PHF2: variants seen among roughly 807,000 people sequenced by gnomAD.
PHF2 encodes the protein lysine-specific demethylase PHF2.
PHF2 carries 27 observed loss-of-function variants against 120.5 expected under a neutral mutation model. The observed-to-expected ratio is 0.22, with a 90% CI of 0.17 to 0.31. The LOEUF is 0.31. Ranked by LOEUF, PHF2 falls within the 10% of genes least tolerant of loss-of-function variation. The probability of loss-of-function intolerance (pLI) is 1.00; values close to 1 mark genes in which losing one functional copy is unlikely to be tolerated. For missense variants in PHF2, 1,024 were observed against 1,434.8 expected, an observed-to-expected ratio of 0.71 and a Z score of 4.63; for synonymous variants, 568 against 592.5, an observed-to-expected ratio of 0.96 and a Z score of 0.60.
At chr9:93,646,359 G>T (rs914218191) in intron 4 of PHF2, among the ~76,000 whole-genome samples, 4 of 152,246 alleles carry the variant, frequency 2.6e-5, no homozygotes, top group African/African-American at 7.2e-5. Context: ...AGAGGCAGTG[G>T]CAGGGAGAGG....
chr9:93,640,726 C>G (rs551967556), intron 3 of PHF2, among the ~76,000 whole-genome samples: 2 of 152,128 alleles, frequency 1.3e-5, no homozygotes, highest in Admixed American at 6.5e-5. Context: ...CTTGCTTTGT[C>G]TCTTCAGACT....
In PHF2 at chr9:93,679,407, CTCTT is replaced by C; in HGVS notation, c.*1733_*1736del. On this transcript the variant is annotated 3_prime_UTR_variant, in exon 22 of 22. Coordinates refer to ENST00000359246, the MANE Select transcript of PHF2 (RefSeq NM_005392.4). ...CTGGACATCAAGCTGTTCTCTCTCT[CTCTT>C]TTTTTTAATTTTATTATTATTATTT... 1 of 329,662 alleles carries C rather than the reference CTCTT, an allele frequency of 3.0e-6. No homozygotes were observed. Among genetic ancestry groups the C allele is most frequent in the Non-Finnish European group, 5.9e-6 (1 of 168,766 alleles). The allele number at this position is 329,662 out of a possible 1,614,324, so 20.4% of individuals were successfully genotyped here.
chr9:93,653,697 G>T (rs60016166), intron 6 of PHF2, among the ~76,000 whole-genome samples: 2,562 of 149,728 alleles, frequency 0.017, 34 homozygotes, highest in Middle Eastern at 0.045. Flanking sequence ...CATAGCCAGG[G>T]CCCCGCACAG....
intron 1 of PHF2, among the ~76,000 whole-genome samples, chr9:93,594,436 G>T (rs1372215008): frequency 6.6e-6 from 1 of 152,228 alleles, no homozygotes. Context: ...TTGGGTCAGG[G>T]ATGGGCCTCC....
At chr9:93,668,755 G>A (rs533176034) in intron 17 of PHF2, among the ~76,000 whole-genome samples, 18 of 152,304 alleles carry the variant, frequency 1.2e-4, no homozygotes, top group East Asian at 9.7e-4. Context: ...GAGCTTCCCC[G>A]CCCCGCACAA....
chr9:93,577,075 G>C (rs1468823425), intron 1 of PHF2, among the ~76,000 whole-genome samples: 2 of 146,200 alleles, frequency 1.4e-5, no homozygotes, highest in African/African-American at 2.5e-5. Flanking sequence ...CGCCAAGCAC[G>C]GGGCCCGCGC....
chr9:93,655,852 C>T, intron 7 of PHF2, 82 bp from the exon 8 acceptor site: 2 of 1,026,648 alleles, frequency 1.9e-6, no homozygotes, highest in Non-Finnish European at 2.9e-6. Context: ...GTGCTGGTCT[C>T]CGCCGCTCCC....
chr9:93,644,203 A>G (rs577137830), intron 3 of PHF2, among the ~76,000 whole-genome samples: 2 of 152,170 alleles, frequency 1.3e-5, no homozygotes, highest in South Asian at 2.1e-4. Flanking sequence ...CCTGACCAAC[A>G]TGGTGAAACC....
Position 93,656,003 on chromosome 9 carries a change from G to A in PHF2, c.1022G>A (p.Ser341Asn), listed in dbSNP as rs992045761. 3 of 1,612,284 alleles carry A rather than the reference G, an allele frequency of 1.9e-6. No individual in the cohort carries two copies. Among genetic ancestry groups the A allele is most frequent in the East Asian group, 4.5e-5 (2 of 44,850 alleles). ...AFAGHFLHSLSVEMQMRAYEV... is the reference protein window; with the variant it reads ...AFAGHFLHSLNVEMQMRAYEV... ...GCGGGACATTTCCTCCACAGCCTGA[G>A]TGTGGAGATGCAGATGAGGTAGTGC... Residue 341 changes from serine to asparagine, a missense_variant, in exon 8 of 22, where the codon AGT becomes AAT. Ser to Asn is a conservative substitution (Grantham distance 46). This residue lies in a region of PHF2 where 347 missense variants were observed against 577.4 expected (regional missense o/e 0.60). Transcript: ENST00000359246. The surrounding 1 kb of genome is among the most constrained non-coding windows in gnomAD (Gnocchi z 4.1).
intron 3 of PHF2, among the ~76,000 whole-genome samples, chr9:93,645,415 C>T (rs1826239470): frequency 1.3e-5 from 2 of 152,226 alleles, no homozygotes. Context: ...TGTCCCTGCT[C>T]CCCCAAACAG....
intron 1 of PHF2, among the ~76,000 whole-genome samples, chr9:93,582,615 A>G (rs1351525909): frequency 1.3e-5 from 2 of 152,090 alleles, no homozygotes; most frequent in Non-Finnish European, 2.9e-5. Flanking sequence ...AGGGTACAGG[A>G]CCTGTTTACT....
chr9:93,677,512 C>A lies in PHF2; in HGVS notation c.3203-76C>A. ...TGCCCCTTAGTGTCAGCGGGACCCT[C>A]CCCCCCACCGGCATGCCACGCCCCT... is the stretch of plus-strand genomic sequence containing the variant. On this transcript the variant is annotated intron_variant, in intron 21 of 21. Coordinates refer to ENST00000359246, the MANE Select transcript of PHF2 (RefSeq NM_005392.4). The surrounding 1 kb of genome is among the most constrained non-coding windows in gnomAD (Gnocchi z 4.4). 1.9e-6 allele frequency: 2 copies of A among 1,051,974 alleles called. No individual in the cohort carries two copies. The highest frequency in any genetic ancestry group is 2.9e-6 in the Non-Finnish European group (2 of 685,974). 65.2% of individuals were successfully genotyped at this position (1,051,974 alleles called of 1,614,324 possible).
chr9:93,657,103 A>G (rs552886691), intron 9 of PHF2, among the ~76,000 whole-genome samples: 16 of 151,838 alleles, frequency 1.1e-4, no homozygotes, highest in Non-Finnish European at 1.8e-4. Flanking sequence ...GCCTGGCCAC[A>G]CCCTCAGAGA....
Position 93,651,621 on chromosome 9 carries a change from C to G in PHF2, c.603-1558C>G, listed in dbSNP as rs541306446. On this transcript the variant is annotated intron_variant, in intron 5 of 21. Transcript: ENST00000359246. ...GGGCCCACAGTGACCAATGTACCCC[C>G]AGACCGGAGAGATGCCTGCTCTGTG... Among the ~76,000 whole-genome samples the G allele has an allele frequency of 7.2e-5, 11 of 152,294 alleles. No individual in the cohort carries two copies. The South Asian group carries it at 2.3e-3, about 32-fold the overall frequency.
chr9:93,674,185 T>A (rs1455790520), intron 18 of PHF2, among the ~76,000 whole-genome samples: 1 of 151,982 alleles, frequency 6.6e-6, no homozygotes, highest in Non-Finnish European at 1.5e-5. Flanking sequence ...GAACCTTGGG[T>A]CCTGGGCATT....
chr9:93,610,764 CT>C (rs1394235023), intron 1 of PHF2, among the ~76,000 whole-genome samples: 1 of 152,210 alleles, frequency 6.6e-6, no homozygotes, highest in African/African-American at 2.4e-5. Context: ...GCTTGCCCCC[CT>C]GCTTCCTATT....
intron 6 of PHF2, among the ~76,000 whole-genome samples, chr9:93,653,624 G>GCACTAA (rs764662649): frequency 1.3e-5 from 2 of 152,184 alleles, no homozygotes; most frequent in African/African-American, 2.4e-5. Context: ...GAGACCACCA[G>GCACTAA]GTGACCATGC....
chr9:93,639,907 G>A (rs1826149471), intron 3 of PHF2, among the ~76,000 whole-genome samples: 1 of 152,218 alleles, frequency 6.6e-6, no homozygotes, highest in African/African-American at 2.4e-5. Context: ...CTCTGAATGT[G>A]AATGGAGGGA....
rs1826522602 is a variant in PHF2 at position 93,659,589 on chromosome 9, C to T, written c.1318C>T (p.Arg440Trp). ...AATCAAAGACCTGGCCAAAGAGATC[C>T]GGCTCAGTGAGGTGGGGCCGTGTCC... ...QLIKDLAKEI[R>W]LSENASKAVR... Residue 440 changes from arginine (R) to tryptophan (W), a missense_variant, in exon 11 of 22, where the codon CGG becomes TGG. Arg to Trp is a moderately radical substitution (Grantham distance 101, BLOSUM62 -3). This residue lies in a region of PHF2 where 677 missense variants were observed against 857.4 expected (regional missense o/e 0.79). Coordinates refer to ENST00000359246, the MANE Select transcript of PHF2 (RefSeq NM_005392.4). The T allele has an allele frequency of 1.2e-6, 2 of 1,613,938 alleles. No individual in the cohort carries two copies. Among genetic ancestry groups the T allele is most frequent in the Non-Finnish European group, 1.7e-6 (2 of 1,179,926 alleles).
Sources: gnomAD v4.1 joint callset for allele counts (sites outside exome capture counted in the v4.1 genomes callset) on GRCh38, gnomAD v4.1.1 for gene constraint, gnomAD v4.1.1 regional missense constraint, Gnocchi (gnomAD v3.1) non-coding constraint, MANE v1.5 for transcripts, NCBI Gene and HGNC (gene_info 2026-07-23, HGNC 2026-07-21) for gene names.